RRBP1: variants seen among roughly 807,000 people sequenced by gnomAD.
RRBP1 encodes the protein ribosome-binding protein 1.
In RRBP1, 94 loss-of-function variants were observed where a neutral mutation model predicts 165.2. The ratio of observed to expected loss-of-function variants is 0.57; its 90% CI spans 0.48 to 0.68. RRBP1 has a LOEUF of 0.68. Ranked by LOEUF, RRBP1 falls within the 30% of genes least tolerant of loss-of-function variation. RRBP1 has a pLI of 0.00. For missense variants in RRBP1, 1,676 were observed against 1,763.0 expected (o/e 0.95, Z 0.88); for synonymous variants, 680 against 714.5 (o/e 0.95, Z 0.77).
chr20:17,629,756 G>A, intron 9 of RRBP1, 67 bp downstream of exon 9: 1 of 1,510,416 alleles, frequency 6.6e-7, no homozygotes. Context: ...ACTGGCAGTG[G>A]GGCTGGGCCG....
At chr20:17,642,611 G>A (rs1478192393) in intron 4 of RRBP1, among the ~76,000 whole-genome samples, 1 of 152,116 alleles carries the variant, frequency 6.6e-6, no homozygotes, top group Non-Finnish European at 1.5e-5. Context: ...ACCTGCCCCC[G>A]GCAGCACGAC....
At chr20:17,633,984 C>T (rs1343272748) in intron 7 of RRBP1, among the ~76,000 whole-genome samples, 1 of 152,204 alleles carries the variant, frequency 6.6e-6, no homozygotes, top group African/African-American at 2.4e-5. Flanking sequence ...GGGCAGCAGC[C>T]CACGGAGTCC....
intron 1 of RRBP1, among the ~76,000 whole-genome samples, chr20:17,681,728 G>A (rs2037193880): frequency 1.3e-5 from 2 of 150,630 alleles, no homozygotes; most frequent in South Asian, 4.2e-4. Context: ...GGGAGGCAGG[G>A]AGCGGTCGCC....
intron 20 of RRBP1, 100 bp from the exon 21 acceptor site, chr20:17,616,939 A>G: frequency 6.3e-6 from 6 of 959,878 alleles, no homozygotes; most frequent in Middle Eastern, 2.1e-4. Flanking sequence ...GCTGCTCTCA[A>G]CAGCCAAAGT....
intron 13 of RRBP1, 84 bp from the exon 14 acceptor site, chr20:17,622,031 G>A: frequency 9.9e-7 from 1 of 1,008,484 alleles, no homozygotes; most frequent in Non-Finnish European, 1.6e-6. Context: ...ATATGCCCGG[G>A]TCTCTGCCCC....
intron 13 of RRBP1, among the ~76,000 whole-genome samples, chr20:17,623,724 G>A (rs1375707022): frequency 1.3e-5 from 2 of 152,196 alleles, no homozygotes; most frequent in East Asian, 3.9e-4. Context: ...TTGAGGTCAG[G>A]AGTTGGAGAC....
At position 17,621,851 on chromosome 20, in the gene RRBP1, C is replaced by T; in HGVS notation, c.3240+4G>A. The T allele has an allele frequency of 1.2e-6, 2 of 1,613,778 alleles. No homozygotes were observed. Among genetic ancestry groups the T allele is most frequent in the Non-Finnish European group, 1.7e-6 (2 of 1,179,850 alleles). ...GGTCCCCGGGAACCACCCTCCCCTC[C>T]TACCTGTTGTGCCAAGACAGAGAGT... On this transcript the variant is annotated splice_donor_region_variant and intron_variant, in intron 14 of 24. Coordinates refer to ENST00000377813, the MANE Select transcript of RRBP1 (RefSeq NM_001365613.2).
chr20:17,643,356 G>A lies in RRBP1; in HGVS notation c.1913-229C>T, dbSNP rs571586934. Among the ~76,000 whole-genome samples, 9 of 152,158 alleles carry A rather than the reference G, an allele frequency of 5.9e-5. No individual in the cohort carries two copies. In the South Asian group the frequency reaches 1.5e-3, roughly 25 times the overall value. ...CCTGCACCGTCCTAACTCGCCCATA[G>A]GAAGTCCCAGCCTGGGGTGGAAGTA... On this transcript the variant is annotated intron_variant, in intron 3 of 24. Coordinates refer to ENST00000377813, the MANE Select transcript of RRBP1 (RefSeq NM_001365613.2). This position sits in a 1 kb window ranked among gnomAD's most constrained non-coding sequence, Gnocchi z 4.3.
At chr20:17,619,369 A>G in intron 19 of RRBP1, 1 of 394,686 alleles carries the variant, frequency 2.5e-6, no homozygotes, top group Non-Finnish European at 4.5e-6. Context: ...ATAACCTAGA[A>G]CGTCAAACGC....
chr20:17,657,737 G>A (rs374359535), intron 3 of RRBP1, among the ~76,000 whole-genome samples: 2 of 152,220 alleles, frequency 1.3e-5, no homozygotes, highest in African/African-American at 4.8e-5. Flanking sequence ...ACAGATAAAG[G>A]TAAACCAGTG....
chr20:17,627,785 G>A, intron 9 of RRBP1, 103 bp from the exon 10 acceptor site: 2 of 1,143,968 alleles, frequency 1.7e-6, no homozygotes, highest in Non-Finnish European at 2.4e-6. Context: ...GGGCACCGAG[G>A]GCTTCCTCCT....
intron 7 of RRBP1, among the ~76,000 whole-genome samples, chr20:17,635,116 C>T (rs1256500153): frequency 2.0e-5 from 3 of 152,222 alleles, no homozygotes; most frequent in African/African-American, 7.2e-5. Flanking sequence ...GGGTGTAATG[C>T]TTAAATCAGG....
At chr20:17,654,705 T>C (rs564792189) in intron 3 of RRBP1, among the ~76,000 whole-genome samples, 1 of 152,268 alleles carries the variant, frequency 6.6e-6, no homozygotes, top group Admixed American at 6.5e-5. Context: ...GGTGACTCTA[T>C]AGCCTGTGCC....
rs1428982753 is a variant in RRBP1 at position 17,660,476 on chromosome 20, AC to A, written c.31del (p.Val11LeufsTer23). The A allele has an allele frequency of 1.9e-6, 3 of 1,613,748 alleles. No individual in the cohort carries two copies. The highest frequency in any genetic ancestry group is 1.7e-6 in the Non-Finnish European group (2 of 1,179,900). MDIYDTQTLG[V>X]VVFGGFMVVS... ...AACCATGAATCCTCCAAAGACCACA[AC>A]CCCCAAGGTTTGAGTGTCGTAAATA... is the stretch of plus-strand genomic sequence containing the variant. On this transcript the variant is annotated frameshift_variant, in exon 3 of 25. Coordinates refer to ENST00000377813, the MANE Select transcript of RRBP1 (RefSeq NM_001365613.2). LOFTEE classifies it high-confidence loss of function.
intron 20 of RRBP1, among the ~76,000 whole-genome samples, chr20:17,617,885 C>T (rs1284243844): frequency 6.6e-6 from 1 of 152,260 alleles, no homozygotes; most frequent in Admixed American, 6.5e-5. Context: ...AACATGTCTG[C>T]GGCCTCACAG....
In RRBP1 at chr20:17,633,749, T is replaced by C. The variant is rs2036197643; in HGVS notation, c.2457-136A>G. 4.8e-6 allele frequency: 4 copies of C among 828,396 alleles called. No homozygotes were observed. The East Asian group carries it at 1.1e-4, about 22-fold the overall frequency. 51.3% of individuals were successfully genotyped at this position (828,396 alleles called of 1,614,324 possible). On this transcript the variant is annotated intron_variant, in intron 7 of 24. Transcript: ENST00000377813. ...TCTTGAAGCCATTACCAAAGCCACT[T>C]TTCCATTATCAGCTGTGTGGGGTTG...
rs928437920 is a variant in RRBP1 at position 17,624,472 on chromosome 20, C to T, written c.3147+104G>A. The T allele has an allele frequency of 6.3e-5, 48 of 758,716 alleles. No individual in the cohort carries two copies. In the East Asian group the frequency reaches 7.3e-4, roughly 11 times the overall value. The allele number at this position is 758,716 out of a possible 1,614,324, so 47.0% of individuals were successfully genotyped here. On this transcript the variant is annotated intron_variant, in intron 13 of 24. Transcript: ENST00000377813. ...GTATGTCTGTCCTAGTGCATCTGTG[C>T]GTCCTAGAGCATCTGGTGTCCTAGT...
intron 20 of RRBP1, among the ~76,000 whole-genome samples, chr20:17,618,203 C>T (rs771877281): frequency 1.3e-5 from 2 of 152,350 alleles, no homozygotes; most frequent in East Asian, 1.9e-4. Context: ...AGCCCCAGGG[C>T]GATGGGTGGC....
chr20:17,616,093 T>G, intron 21 of RRBP1, 84 bp from the exon 22 acceptor site: 1 of 1,048,380 alleles, frequency 9.5e-7, no homozygotes, highest in Non-Finnish European at 1.4e-6. Flanking sequence ...CACCGCTCTC[T>G]AGCTGCTTCT....
Sources: gnomAD v4.1 joint callset for allele counts (sites outside exome capture counted in the v4.1 genomes callset) on GRCh38, gnomAD v4.1.1 for gene constraint, Gnocchi (gnomAD v3.1) non-coding constraint, MANE v1.5 for transcripts, NCBI Gene and HGNC (gene_info 2026-07-23, HGNC 2026-07-21) for gene names.